The following IRAK2 variants were observed in gnomAD, a reference collection of about 807,000 sequenced individuals.
IRAK2 encodes the protein interleukin 1 receptor associated kinase 2.
A neutral mutation model predicts 72.0 loss-of-function variants in IRAK2; 57 were observed. That is an observed-to-expected ratio of 0.79 (90% CI 0.64 to 0.99). The LOEUF is 0.99. Among genes scored for constraint, IRAK2 ranks in the 50% least tolerant of loss-of-function variants. The pLI is 0.00. For synonymous variants in IRAK2, 293 were observed against 312.7 expected (o/e 0.94, Z 0.67); for missense variants, 790 against 794.4 (o/e 0.99, Z 0.07).
chr3:10,216,777 C>T (rs1428812372), intron 6 of IRAK2, among the ~76,000 whole-genome samples, 157 bp from the exon 7 acceptor site: 1 of 152,122 alleles, frequency 6.6e-6, no homozygotes, highest in Non-Finnish European at 1.5e-5. Flanking sequence ...TTTCATCTTT[C>T]CACCCTGGGG....
intron 11 of IRAK2, among the ~76,000 whole-genome samples, chr3:10,236,124 G>T (rs11717920): frequency 0.45 from 68,303 of 151,742 alleles, 15,882 homozygotes; most frequent in Admixed American, 0.54. Flanking sequence ...GAGGAAGGGG[G>T]GTTTAAGCAC....
In IRAK2 at chr3:10,221,465, T is replaced by G. The variant is rs187829610; in HGVS notation, c.1014-1171T>G. Among the ~76,000 whole-genome samples the G allele has an allele frequency of 9.7e-3, 1,465 of 151,208 alleles. 16 individuals are homozygous for G. The highest frequency in any genetic ancestry group is 0.012 in the Non-Finnish European group (823 of 67,862). Reference sequence around the variant, plus strand: ...AGATAGGGTTTCACTGTGTTAGCCATGATGGTCTCGATCTCCTGACCTCGT... The same window carrying G: ...AGATAGGGTTTCACTGTGTTAGCCAGGATGGTCTCGATCTCCTGACCTCGT... On this transcript the variant is annotated intron_variant, in intron 8 of 12. Transcript: ENST00000256458.
At chr3:10,174,573 G>A (rs1425046769) in intron 1 of IRAK2, among the ~76,000 whole-genome samples, 1 of 152,054 alleles carries the variant, frequency 6.6e-6, no homozygotes, top group Non-Finnish European at 1.5e-5. Context: ...TGCCCACGCT[G>A]GAGTGCAGTG....
At chr3:10,166,324 C>T (rs192457932) in intron 1 of IRAK2, among the ~76,000 whole-genome samples, 34 of 152,278 alleles carry the variant, frequency 2.2e-4, no homozygotes, top group African/African-American at 7.9e-4. Flanking sequence ...TAGATAATTC[C>T]GTGGGAAGGC....
intron 2 of IRAK2, among the ~76,000 whole-genome samples, chr3:10,194,045 G>T (rs1289084084): frequency 6.6e-6 from 1 of 152,280 alleles, no homozygotes; most frequent in African/African-American, 2.4e-5. Flanking sequence ...AACTGAAGGA[G>T]GGTGGCTGTT....
chr3:10,236,305 T>C (rs1203303059), intron 11 of IRAK2, among the ~76,000 whole-genome samples: 1 of 150,940 alleles, frequency 6.6e-6, no homozygotes, highest in East Asian at 2.0e-4. Flanking sequence ...ATAGAAGGCT[T>C]TGTAGGCACA....
At chr3:10,237,679 C>A (rs1199926526) in intron 11 of IRAK2, among the ~76,000 whole-genome samples, 1 of 151,644 alleles carries the variant, frequency 6.6e-6, no homozygotes, top group African/African-American at 2.4e-5. Context: ...CGGTGGCGGG[C>A]ACCTGTTGTC....
At chr3:10,176,570 C>T (rs1291052596) in intron 1 of IRAK2, among the ~76,000 whole-genome samples, 8 of 151,624 alleles carry the variant, frequency 5.3e-5, no homozygotes, top group Non-Finnish European at 1.0e-4. Context: ...CTCTGCCTCT[C>T]GGGTTCATGA....
At chr3:10,190,437 C>T (rs958637927) in intron 2 of IRAK2, among the ~76,000 whole-genome samples, 5 of 151,636 alleles carry the variant, frequency 3.3e-5, no homozygotes, top group Admixed American at 2.6e-4. Flanking sequence ...CCCACCACCA[C>T]GCCCAGCTAG....
chr3:10,243,168 G>A lies in IRAK2; in HGVS notation c.*940G>A, dbSNP rs1016787316. ...TCCTGCCTCAGCCTCCTGAGTAGATGGGACTGTAGGCACCTGCCACTATGC... is the reference window on the plus strand; with the variant it reads ...TCCTGCCTCAGCCTCCTGAGTAGATAGGACTGTAGGCACCTGCCACTATGC... On this transcript the variant is annotated 3_prime_UTR_variant, in exon 13 of 13. Coordinates refer to ENST00000256458, the MANE Select transcript of IRAK2 (RefSeq NM_001570.4). 1 of 152,170 alleles carries A rather than the reference G, an allele frequency of 6.6e-6. No homozygotes were observed. Among genetic ancestry groups the A allele is most frequent in the African/African-American group, 2.4e-5 (1 of 41,406 alleles). The allele number at this position is 152,170 out of a possible 1,614,324, so 9.4% of individuals were successfully genotyped here.
Position 10,238,850 on chromosome 3 carries a change from CCAGAGGAAA to C in IRAK2, c.1581_1589del (p.Glu527_Thr529del), listed in dbSNP as rs756110970. The stretch of plus-strand genomic sequence containing the variant: ...GGGTACAGGCTCTTCTTCCAACACC[CCAGAGGAAA>C]CAGACGACGTTGACAATTCCAGCCT... On this transcript the variant is annotated inframe_deletion, in exon 12 of 13. Transcript: ENST00000256458. 3.7e-6 allele frequency: 6 copies of C among 1,614,118 alleles called. No individual in the cohort carries two copies. The highest frequency in any genetic ancestry group is 5.1e-6 in the Non-Finnish European group (6 of 1,180,010).
chr3:10,207,925 G>T (rs1381755725), intron 3 of IRAK2, among the ~76,000 whole-genome samples: 1 of 150,648 alleles, frequency 6.6e-6, no homozygotes, highest in African/African-American at 2.4e-5. Flanking sequence ...CTGGGAGGGG[G>T]AGTTTGCAGT....
intron 3 of IRAK2, among the ~76,000 whole-genome samples, chr3:10,208,262 C>T (rs533222058): frequency 6.6e-6 from 1 of 152,058 alleles, no homozygotes; most frequent in East Asian, 1.9e-4. Context: ...GCAGTGGTAC[C>T]TTATTTCCTG....
chr3:10,225,741 C>T (rs1697763309), intron 9 of IRAK2, among the ~76,000 whole-genome samples: 1 of 151,440 alleles, frequency 6.6e-6, no homozygotes, highest in Middle Eastern at 3.4e-3. Context: ...CTCTGTCGCC[C>T]AGGCTGGAGT....
At chr3:10,220,173 T>C (rs1043037927) in intron 8 of IRAK2, among the ~76,000 whole-genome samples, 1 of 152,228 alleles carries the variant, frequency 6.6e-6, no homozygotes, top group Non-Finnish European at 1.5e-5. Flanking sequence ...TCGTTCAGTG[T>C]CTTTTCTGAG....
chr3:10,177,992 C>G lies in IRAK2; in HGVS notation c.249C>G (p.Leu83=). The stretch of plus-strand genomic sequence containing the variant: ...TGGACCTCCTGTGCCGCCTGGAGCT[C>G]TACCGGGCTGCCCAGATCATCCTGA... ...QLVDLLCRLE[L]YRAAQIILNW... Residue 83 remains leucine (L), a synonymous_variant, in exon 2 of 13, where the codon CTC becomes CTG. Coordinates refer to ENST00000256458, the MANE Select transcript of IRAK2 (RefSeq NM_001570.4). 6.2e-7 allele frequency: 1 copy of G among 1,612,344 alleles called. No homozygotes were observed.
At chr3:10,193,609 C>A (rs142299532) in intron 2 of IRAK2, among the ~76,000 whole-genome samples, 2,612 of 152,282 alleles carry the variant, frequency 0.017, 33 homozygotes, top group Non-Finnish European at 0.027. Context: ...GGTCACAGAG[C>A]AAGACTCTGC....
At chr3:10,177,344 C>T (rs149094099) in intron 1 of IRAK2, among the ~76,000 whole-genome samples, 4 of 152,296 alleles carry the variant, frequency 2.6e-5, no homozygotes, top group Non-Finnish European at 4.4e-5. Context: ...GCGGTGCCAC[C>T]TGAAGATGAG....
intron 2 of IRAK2, among the ~76,000 whole-genome samples, chr3:10,194,981 A>G (rs1201278902): frequency 2.6e-5 from 4 of 152,084 alleles, no homozygotes; most frequent in African/African-American, 9.7e-5. Flanking sequence ...GGTCACAGGT[A>G]GCCCTGCCGA....
Sources: gnomAD v4.1 joint callset for allele counts (sites outside exome capture counted in the v4.1 genomes callset) on GRCh38, gnomAD v4.1.1 for gene constraint, MANE v1.5 for transcripts, NCBI Gene and HGNC (gene_info 2026-07-23, HGNC 2026-07-21) for gene names.